The following CAMK1D variants were observed in gnomAD, a reference collection of about 807,000 sequenced individuals.
CAMK1D encodes calcium/calmodulin-dependent protein kinase type 1D.
In CAMK1D, 9 loss-of-function variants were observed where a neutral mutation model predicts 47.7. That is an observed-to-expected ratio of 0.19 (90% CI 0.11 to 0.33). The LOEUF (loss-of-function observed/expected upper bound fraction) is 0.33, where lower values mean the gene tolerates loss of function less well. Ranked by LOEUF, CAMK1D falls within the 10% of genes least tolerant of loss-of-function variation. CAMK1D has a pLI of 1.00. For missense variants in CAMK1D, 291 were observed against 488.7 expected (o/e 0.60, Z 3.81); for synonymous variants, 184 against 184.9 (o/e 0.99, Z 0.04).
chr10:12,653,856 A>T (rs568712380), intron 2 of CAMK1D, among the ~76,000 whole-genome samples: 6 of 152,288 alleles, frequency 3.9e-5, no homozygotes, highest in Admixed American at 3.9e-4. Context: ...ATGCTTCATT[A>T]TCTCGTTTGA....
At chr10:12,421,758 T>C (rs541210737) in intron 1 of CAMK1D, among the ~76,000 whole-genome samples, 1 of 151,810 alleles carries the variant, frequency 6.6e-6, no homozygotes, top group African/African-American at 2.4e-5. Context: ...AGGACTCTTT[T>C]TGATAGTTCC....
chr10:12,376,138 G>A (rs1838170719), intron 1 of CAMK1D, among the ~76,000 whole-genome samples: 1 of 138,520 alleles, frequency 7.2e-6, no homozygotes, highest in African/African-American at 2.7e-5. Context: ...ACTCCAGCCT[G>A]GGTGACAGAG....
At chr10:12,691,931 G>A (rs1832948354) in intron 3 of CAMK1D, among the ~76,000 whole-genome samples, 1 of 152,132 alleles carries the variant, frequency 6.6e-6, no homozygotes, top group Non-Finnish European at 1.5e-5. Flanking sequence ...AAATGTTGAG[G>A]TGGCCAGCAA....
chr10:12,715,898 CAG>C (rs1297871369), intron 3 of CAMK1D, among the ~76,000 whole-genome samples: 1 of 151,836 alleles, frequency 6.6e-6, no homozygotes, highest in Non-Finnish European at 1.5e-5. Context: ...TTAGTAGAGA[CAG>C]GGTTTCACCA....
rs562155845 is a variant in CAMK1D, at chr10:12,539,184, A to AT, written c.93-14032dup. Among the ~76,000 whole-genome samples, 653 of 151,846 alleles carry AT rather than the reference A, an allele frequency of 4.3e-3. 3 individuals carry two copies. Among genetic ancestry groups the AT allele is most frequent in the African/African-American group, 0.014 (597 of 41,432 alleles). ...TTGATTGTTTTAAGCCAGAATATTGATTTTTTTTTAACACAGACACAGCCA... is the reference window on the plus strand; with the variant it reads ...TTGATTGTTTTAAGCCAGAATATTGATTTTTTTTTTAACACAGACACAGCCA... On this transcript the variant is annotated intron_variant, in intron 1 of 10. Coordinates refer to ENST00000619168, the MANE Select transcript of CAMK1D (RefSeq NM_153498.4).
At position 12,469,121 on chromosome 10, in the gene CAMK1D, G is replaced by T. The variant is rs74492080; in HGVS notation, c.93-84104G>T. Among the ~76,000 whole-genome samples the T allele has an allele frequency of 6.1e-3, 930 of 152,128 alleles. 15 individuals are homozygous for T. The highest frequency in any genetic ancestry group is 0.021 in the African/African-American group (873 of 41,476). On this transcript the variant is annotated intron_variant, in intron 1 of 10. Transcript: ENST00000619168. ...AGAGGAAATGGGGTGAGGAGAGGAG[G>T]GGGGCGGTGCTGTGTAGGGCAAGGA... is the stretch of plus-strand genomic sequence containing the variant.
Position 12,806,460 on chromosome 10 carries a change from C to G in CAMK1D, c.642-7735C>G, listed in dbSNP as rs116862167. The stretch of plus-strand genomic sequence containing the variant: ...TTCCCTGATTACCTGTCAGACTGCT[C>G]TCTCTTCCCTGCCTTCCTGCAGCAG... On this transcript the variant is annotated intron_variant, in intron 6 of 10. Coordinates refer to ENST00000619168, the MANE Select transcript of CAMK1D (RefSeq NM_153498.4). Among the ~76,000 whole-genome samples, 16 of 152,338 alleles carry G rather than the reference C, an allele frequency of 1.1e-4. No homozygotes were observed. The East Asian group carries it at 1.2e-3, about 11-fold the overall frequency.
intron 3 of CAMK1D, among the ~76,000 whole-genome samples, chr10:12,691,388 TATATATATATATATAAATATATATATA>T (rs1832898877): frequency 1.4e-4 from 1 of 7,142 alleles, no homozygotes; most frequent in African/African-American, 5.0e-4. Flanking sequence ...AATATATATA[TATATATATATATATAAATATATATATA>T]TATATATTTT....
intron 1 of CAMK1D, among the ~76,000 whole-genome samples, chr10:12,370,764 A>G (rs1837979091): frequency 6.6e-6 from 1 of 152,108 alleles, no homozygotes; most frequent in African/African-American, 2.4e-5. Context: ...ATGCGCCACC[A>G]CGCCCGGCTA....
chr10:12,629,610 G>T (rs1040401457), intron 2 of CAMK1D, among the ~76,000 whole-genome samples: 1 of 152,226 alleles, frequency 6.6e-6, no homozygotes, highest in East Asian at 1.9e-4. Context: ...AGACAAGGAC[G>T]TGTTCTCCAC....
chr10:12,370,224 C>T (rs1203032117), intron 1 of CAMK1D, among the ~76,000 whole-genome samples: 2 of 152,054 alleles, frequency 1.3e-5, no homozygotes, highest in East Asian at 3.9e-4. Context: ...ATGGATTACT[C>T]ACATGTTTGT....
At chr10:12,428,229 G>A (rs1364654786) in intron 1 of CAMK1D, among the ~76,000 whole-genome samples, 1 of 151,912 alleles carries the variant, frequency 6.6e-6, no homozygotes. Context: ...GTGTCCATGT[G>A]TTCTCATTTG....
intron 1 of CAMK1D, among the ~76,000 whole-genome samples, chr10:12,453,704 A>G (rs184908774): frequency 6.6e-6 from 1 of 152,336 alleles, no homozygotes; most frequent in East Asian, 1.9e-4. Context: ...GGCAACCACA[A>G]CACACTTCTG....
At chr10:12,447,835 AT>A (rs535098211) in intron 1 of CAMK1D, among the ~76,000 whole-genome samples, 3 of 150,996 alleles carry the variant, frequency 2.0e-5, no homozygotes, top group Non-Finnish European at 3.0e-5. Flanking sequence ...TGGCTGATTT[AT>A]TTTTTTTACT....
intron 1 of CAMK1D, among the ~76,000 whole-genome samples, chr10:12,452,482 A>G (rs1833112909): frequency 6.6e-6 from 1 of 151,856 alleles, no homozygotes. Context: ...TTTATAATGT[A>G]TAAATATACA....
intron 1 of CAMK1D, among the ~76,000 whole-genome samples, chr10:12,403,265 T>G (rs2131921849): frequency 6.6e-6 from 1 of 152,354 alleles, no homozygotes; most frequent in Middle Eastern, 3.4e-3. Context: ...CTTGCCAGCT[T>G]GTGTTCACAT....
intron 3 of CAMK1D, among the ~76,000 whole-genome samples, chr10:12,672,956 G>A (rs538822771): frequency 3.4e-4 from 47 of 139,608 alleles, no homozygotes; most frequent in Non-Finnish European, 5.3e-4. Flanking sequence ...TGATGCAGTG[G>A]CACGATATTG....
At chr10:12,462,275 C>T (rs1833456155) in intron 1 of CAMK1D, among the ~76,000 whole-genome samples, 1 of 149,372 alleles carries the variant, frequency 6.7e-6, no homozygotes, top group African/African-American at 2.5e-5. Flanking sequence ...AAGCAATTCT[C>T]CTGCCTTAGC....
chr10:12,363,236 C>T (rs1486887814), intron 1 of CAMK1D, among the ~76,000 whole-genome samples: 1 of 151,378 alleles, frequency 6.6e-6, no homozygotes, highest in Non-Finnish European at 1.5e-5. Context: ...CCACCGCACC[C>T]GGCCTGTTTT....
Sources: allele counts gnomAD v4.1 joint callset (sites outside exome capture counted in the v4.1 genomes callset), GRCh38; gene constraint gnomAD v4.1.1; transcripts MANE v1.5; gene names NCBI Gene and HGNC (gene_info 2026-07-23, HGNC 2026-07-21).